The following SRFBP1 variants were observed in gnomAD, a reference collection of about 807,000 sequenced individuals.
SRFBP1 encodes the protein serum response factor-binding protein 1.
Under a neutral mutation model 45.5 loss-of-function variants are expected in SRFBP1, and 47 were observed. That is an observed-to-expected ratio of 1.03 (90% confidence interval 0.82 to 1.32). The LOEUF (loss-of-function observed/expected upper bound fraction) is 1.32, where lower values mean the gene tolerates loss of function less well. Ranked by LOEUF, SRFBP1 falls within the 40% of genes most tolerant of loss-of-function variation. The pLI is 0.00. For missense variants in SRFBP1, 621 were observed against 484.6 expected (o/e 1.28, Z -2.64); for synonymous variants, 203 against 166.3 (o/e 1.22, Z -1.70).
chr5:122,073,944 G>T (rs1754532589), intron 2 of SRFBP1: 1 of 1,405,288 alleles, frequency 7.1e-7, no homozygotes, highest in East Asian at 2.3e-5. Context: ...GCTATTTAAT[G>T]CTAACTAACG....
intron 2 of SRFBP1, chr5:122,074,010 T>C (rs1289994870): frequency 6.2e-7 from 1 of 1,611,084 alleles, no homozygotes; most frequent in Non-Finnish European, 8.5e-7. Context: ...GGTGCCAACA[T>C]ACCTGTGTGT....
chr5:122,075,358 G>T lies in SRFBP1; in HGVS notation n.355G>T. ...ATTTGTGATATCAAAAATCACCTGA[G>T]AAATGAAAAGCAACCCAAAAGTACC... On this transcript the variant is annotated non_coding_transcript_exon_variant, in exon 3 of 3. Coordinates refer to the SRFBP1 transcript ENST00000504881. 5 of 1,521,356 alleles carry T rather than the reference G, an allele frequency of 3.3e-6. No individual in the cohort carries two copies. The South Asian group carries it at 4.0e-5, about 12-fold the overall frequency. The allele number at this position is 1,521,356 out of a possible 1,614,324, so 94.2% of individuals were successfully genotyped here.
chr5:122,049,750 C>T (rs1312849755), intron 2 of SRFBP1, among the ~76,000 whole-genome samples: 1 of 152,176 alleles, frequency 6.6e-6, no homozygotes, highest in Admixed American at 6.5e-5. Context: ...TACATGGAAA[C>T]TGAACAACCT....
intron 2 of SRFBP1, among the ~76,000 whole-genome samples, chr5:122,053,402 G>A (rs372285311): frequency 9.9e-5 from 15 of 152,248 alleles, no homozygotes; most frequent in African/African-American, 2.4e-4. Flanking sequence ...AGGGGTGGAA[G>A]TGAGTGGGTT....
At chr5:122,048,614 G>A (rs1753908214) in intron 2 of SRFBP1, among the ~76,000 whole-genome samples, 1 of 152,160 alleles carries the variant, frequency 6.6e-6, no homozygotes, top group Non-Finnish European at 1.5e-5. Context: ...AGTTTCAGAA[G>A]GAATGGTACC....
At chr5:121,968,674 T>C (rs1752125729) in intron 1 of SRFBP1, among the ~76,000 whole-genome samples, 2 of 152,194 alleles carry the variant, frequency 1.3e-5, no homozygotes, top group South Asian at 4.1e-4. Flanking sequence ...GTCTTCTGAA[T>C]AGATTCCTAG....
intron 4 of SRFBP1, among the ~76,000 whole-genome samples, chr5:121,999,505 T>G (rs1284103496): frequency 6.0e-5 from 9 of 150,878 alleles, no homozygotes; most frequent in East Asian, 3.9e-4. Context: ...ATTTTTACTG[T>G]TTTTTTTTCT....
At position 122,005,465 on chromosome 5, in the gene SRFBP1, T is replaced by C. The variant is rs577131878; in HGVS notation, c.270+10795T>C. Among the ~76,000 whole-genome samples, 27 of 152,320 alleles carry C rather than the reference T, an allele frequency of 1.8e-4. No homozygotes were observed. The South Asian group carries it at 5.6e-3, about 32-fold the overall frequency. On this transcript the variant is annotated intron_variant, in intron 4 of 7. Coordinates refer to ENST00000339397, the MANE Select transcript of SRFBP1 (RefSeq NM_152546.3). ...TGAGTATAGTTACTCCTACTGTCTT[T>C]TTATTTCCATTTGCATGGAATATCT...
At chr5:122,025,828 C>T (rs1043438417) in intron 7 of SRFBP1, among the ~76,000 whole-genome samples, 5 of 152,144 alleles carry the variant, frequency 3.3e-5, no homozygotes, top group Non-Finnish European at 1.5e-5. Context: ...AGGCCGAGCA[C>T]GGTGGCTCAT....
intron 4 of SRFBP1, among the ~76,000 whole-genome samples, 167 bp downstream of exon 4, chr5:121,994,837 T>C (rs942971838): frequency 5.3e-5 from 8 of 152,084 alleles, no homozygotes; most frequent in African/African-American, 1.4e-4. Flanking sequence ...TACTAACATA[T>C]ACATTTTGTT....
chr5:122,042,013 G>A (rs889040326), intron 2 of SRFBP1, among the ~76,000 whole-genome samples: 5 of 151,972 alleles, frequency 3.3e-5, no homozygotes, highest in Non-Finnish European at 7.4e-5. Flanking sequence ...TAGACATTGA[G>A]CTTTATCAGA....
chr5:122,038,344 C>T (rs1367248804), intron 2 of SRFBP1, among the ~76,000 whole-genome samples: 2 of 152,066 alleles, frequency 1.3e-5, no homozygotes, highest in Non-Finnish European at 1.5e-5. Context: ...GGCTAAAAAA[C>T]GAGATTCATG....
Position 122,027,830 on chromosome 5 carries a change from A to G in SRFBP1, c.*704A>G, listed in dbSNP as rs1288988344. 6.6e-6 allele frequency: 1 copy of G among 152,162 alleles called. No individual in the cohort carries two copies. The highest frequency in any genetic ancestry group is 2.4e-5 in the African/African-American group (1 of 41,448). 9.4% of individuals were successfully genotyped at this position (152,162 alleles called of 1,614,324 possible). The stretch of plus-strand genomic sequence containing the variant: ...GTCTAGGACAATTTTGGGATTCTTA[A>G]TTATATTTTAGTTAAGAAAATTGTT... On this transcript the variant is annotated 3_prime_UTR_variant, in exon 8 of 8. Coordinates refer to ENST00000339397, the MANE Select transcript of SRFBP1 (RefSeq NM_152546.3).
chr5:122,043,133 T>C (rs1753796689), intron 2 of SRFBP1, among the ~76,000 whole-genome samples: 1 of 152,192 alleles, frequency 6.6e-6, no homozygotes. Flanking sequence ...ATAGTCTCAT[T>C]CTTAAATAAT....
At chr5:121,964,265 A>G (rs1007451646) in intron 1 of SRFBP1, among the ~76,000 whole-genome samples, 1 of 152,046 alleles carries the variant, frequency 6.6e-6, no homozygotes, top group Admixed American at 6.5e-5. Flanking sequence ...TTACATAGGT[A>G]TACATGTGCC....
At chr5:121,994,118 A>C (rs759985311) in intron 3 of SRFBP1, among the ~76,000 whole-genome samples, 4 of 152,058 alleles carry the variant, frequency 2.6e-5, no homozygotes, top group Non-Finnish European at 4.4e-5. Flanking sequence ...TCTTGAGCTA[A>C]TAAATAGTAT....
intron 2 of SRFBP1, among the ~76,000 whole-genome samples, chr5:122,037,638 A>G (rs569207637): frequency 1.3e-5 from 2 of 152,122 alleles, no homozygotes; most frequent in South Asian, 4.1e-4. Context: ...TTACAGCCAC[A>G]TGCTAACACA....
chr5:122,006,629 C>G (rs1471839451), intron 4 of SRFBP1, among the ~76,000 whole-genome samples: 1 of 152,024 alleles, frequency 6.6e-6, no homozygotes, highest in South Asian at 2.1e-4. Context: ...TATATTTTCA[C>G]ATAACCTATT....
At chr5:121,990,428 G>A (rs747683281) in intron 3 of SRFBP1, among the ~76,000 whole-genome samples, 3 of 152,132 alleles carry the variant, frequency 2.0e-5, no homozygotes, top group African/African-American at 4.8e-5. Flanking sequence ...GACTACTAGC[G>A]GGTGGAGTGG....
Sources: gnomAD v4.1 joint callset for allele counts (sites outside exome capture counted in the v4.1 genomes callset) on GRCh38, gnomAD v4.1.1 for gene constraint, MANE v1.5 for transcripts, NCBI Gene and HGNC (gene_info 2026-07-23, HGNC 2026-07-21) for gene names.